Variants in CCDC88C observed in about 807,000 individuals in gnomAD.
CCDC88C encodes protein Daple.
CCDC88C carries 131 observed loss-of-function variants against 198.8 expected under a neutral mutation model. The ratio of observed to expected loss-of-function variants is 0.66; its 90% CI spans 0.57 to 0.76. The LOEUF is 0.76. Ranked by LOEUF, CCDC88C falls within the 30% of genes least tolerant of loss-of-function variation. The pLI is 0.00. For synonymous variants in CCDC88C, 1,166 were observed against 1,114.7 expected (o/e 1.05, Z -0.92); for missense variants, 2,553 against 2,631.6 (o/e 0.97, Z 0.65).
At chr14:91,337,427 C>T (rs1893093423) in intron 10 of CCDC88C, among the ~76,000 whole-genome samples, 1 of 152,228 alleles carries the variant, frequency 6.6e-6, no homozygotes, top group African/African-American at 2.4e-5. Flanking sequence ...GCAGCCTTGA[C>T]ATCCCAGGTT....
chr14:91,370,165 C>A (rs571225567), intron 3 of CCDC88C, among the ~76,000 whole-genome samples: 34 of 152,338 alleles, frequency 2.2e-4, no homozygotes, highest in African/African-American at 7.5e-4. Context: ...TGTGTGGCCT[C>A]AGGCAAGTCA....
At position 91,272,966 on chromosome 14, in the gene CCDC88C, C is replaced by T. The variant is rs1324750796; in HGVS notation, c.5746G>A (p.Ala1916Thr). 5.1e-6 allele frequency: 8 copies of T among 1,556,834 alleles called. No homozygotes were observed. Among genetic ancestry groups the T allele is most frequent in the Non-Finnish European group, 5.2e-6 (6 of 1,156,690 alleles). ...PAIATAGAGAAAAGSGSNSQL... is the reference protein window; with the variant it reads ...PAIATAGAGATAAGSGSNSQL... The stretch of plus-strand genomic sequence containing the variant: ...GAGTTGCTGCCACTGCCAGCAGCAG[C>T]AGCACCAGCACCTGCAGTGGCAATG... The change falls in exon 30 of 30, where the codon GCT becomes ACT. Residue 1916 changes from alanine to threonine, a missense_variant. This residue lies in a region of CCDC88C where 1,293 missense variants were observed against 1,219.6 expected (regional missense o/e 1.06). Transcript: ENST00000389857.
In CCDC88C at chr14:91,273,758, C is replaced by A; in HGVS notation, c.5059-105G>T. On this transcript the variant is annotated intron_variant, in intron 29 of 29. Transcript: ENST00000389857. The surrounding 1 kb of genome is among the most constrained non-coding windows in gnomAD (Gnocchi z 5.6). ...CCCGAGCAGCCCACGTGGCTGGGAC[C>A]GCAGTTCCTGCCTGCCTTCTCCGAG... is the stretch of plus-strand genomic sequence containing the variant. 1.0e-6 allele frequency: 1 copy of A among 973,152 alleles called. No homozygotes were observed. Among genetic ancestry groups the A allele is most frequent in the South Asian group, 3.5e-5 (1 of 28,926 alleles). The allele number at this position is 973,152 out of a possible 1,614,324, so 60.3% of individuals were successfully genotyped here.
chr14:91,376,004 C>A (rs898386529), intron 3 of CCDC88C, among the ~76,000 whole-genome samples: 4 of 152,160 alleles, frequency 2.6e-5, no homozygotes, highest in African/African-American at 9.7e-5. Flanking sequence ...TCCAGCCCCG[C>A]GAGTTCACAG....
At chr14:91,379,721 G>A in intron 3 of CCDC88C, 1 of 658,702 alleles carries the variant, frequency 1.5e-6, no homozygotes, top group South Asian at 1.7e-5. Flanking sequence ...AGCCCACAGT[G>A]ATGGCCTTCC....
At chr14:91,373,626 T>G (rs926112256) in intron 3 of CCDC88C, among the ~76,000 whole-genome samples, 2 of 152,188 alleles carry the variant, frequency 1.3e-5, no homozygotes, top group Non-Finnish European at 2.9e-5. Flanking sequence ...AAACTCTCTA[T>G]TCTATCACCA....
intron 3 of CCDC88C, among the ~76,000 whole-genome samples, chr14:91,376,188 T>A (rs1456497143): frequency 1.3e-5 from 2 of 152,184 alleles, no homozygotes; most frequent in East Asian, 3.9e-4. Flanking sequence ...TAGGTCAGGC[T>A]TCTCTCCTGT....
chr14:91,274,967 G>A (rs868375784), intron 29 of CCDC88C, among the ~76,000 whole-genome samples: 2 of 152,070 alleles, frequency 1.3e-5, no homozygotes, highest in Admixed American at 6.5e-5. Flanking sequence ...CACCCTTCCT[G>A]GCCACGCAGG....
chr14:91,399,882 T>C (rs1165273015), intron 3 of CCDC88C, among the ~76,000 whole-genome samples: 1 of 144,582 alleles, frequency 6.9e-6, no homozygotes, highest in Non-Finnish European at 1.5e-5. Context: ...GTAGTTGAGA[T>C]CCCTAAGCAC....
Position 91,352,519 on chromosome 14 carries a change from C to G in CCDC88C, c.340+7123G>C, listed in dbSNP as rs1893860625. Among the ~76,000 whole-genome samples, 1 of 152,208 alleles carries G rather than the reference C, an allele frequency of 6.6e-6. No homozygotes were observed. The highest frequency in any genetic ancestry group is 2.4e-5 in the African/African-American group (1 of 41,446). On this transcript the variant is annotated intron_variant, in intron 4 of 29. Coordinates refer to ENST00000389857, the MANE Select transcript of CCDC88C (RefSeq NM_001080414.4). This position sits in a 1 kb window ranked among gnomAD's most constrained non-coding sequence, Gnocchi z 4.2. ...GCATTTGGTTGCTTTTCTGAACCTT[C>G]TCTCTCAAGGATGAAAGAGGAAATT...
intron 28 of CCDC88C, 73 bp downstream of exon 28, chr14:91,279,165 G>T: frequency 7.8e-7 from 1 of 1,282,324 alleles, no homozygotes; most frequent in Non-Finnish European, 1.1e-6. Flanking sequence ...CTCCCAAAGT[G>T]CTGATTATAG....
chr14:91,293,541 C>G lies in CCDC88C; in HGVS notation c.4112+632G>C, dbSNP rs796416355. On this transcript the variant is annotated intron_variant, in intron 23 of 29. Transcript: ENST00000389857. ...TCCTGTCCCCTCACCTGCCACGGCC[C>G]ACCTTCCTGTCCCCTCGCCTGCCAC... 1.1e-3 allele frequency among the ~76,000 whole-genome samples: 112 copies of G among 98,902 alleles called. 11 individuals are homozygous for G. Among genetic ancestry groups the G allele is most frequent in the South Asian group, 1.4e-3 (5 of 3,470 alleles). The allele number at this position is 98,902 out of a possible 152,430, so 64.9% of individuals were successfully genotyped here.
chr14:91,304,003 T>C (rs1891455023), intron 19 of CCDC88C, 25 bp from the exon 20 acceptor site: 1 of 1,589,784 alleles, frequency 6.3e-7, no homozygotes, highest in African/African-American at 1.3e-5. Flanking sequence ...AAGCGCGGCG[T>C]GGCGCAGGCC....
chr14:91,373,744 C>T (rs575467262), intron 3 of CCDC88C, among the ~76,000 whole-genome samples: 6 of 152,150 alleles, frequency 3.9e-5, no homozygotes, highest in Admixed American at 6.5e-5. Flanking sequence ...ACTAATATCT[C>T]GGCAGGAAGT....
intron 25 of CCDC88C, chr14:91,285,944 A>G: frequency 1.8e-6 from 1 of 570,834 alleles, no homozygotes; most frequent in Non-Finnish European, 2.7e-6. Flanking sequence ...AATGTACTTA[A>G]GAAATCAGAA....
At chr14:91,329,836 TAC>T (rs1457505169) in intron 10 of CCDC88C, among the ~76,000 whole-genome samples, 2 of 152,224 alleles carry the variant, frequency 1.3e-5, no homozygotes, top group African/African-American at 4.8e-5. Flanking sequence ...ACAAGGTCGT[TAC>T]CACTCACTGA....
At chr14:91,379,792 T>C (rs976459375) in intron 3 of CCDC88C, 2 of 702,570 alleles carry the variant, frequency 2.8e-6, no homozygotes, top group African/African-American at 3.5e-5. Context: ...TCTTGTTCAC[T>C]GTCCACTTCC....
chr14:91,373,725 T>G (rs922804516), intron 3 of CCDC88C, among the ~76,000 whole-genome samples: 2 of 152,020 alleles, frequency 1.3e-5, no homozygotes, highest in African/African-American at 4.8e-5. Flanking sequence ...AAGTGACAAG[T>G]TTCTAATGAC....
At chr14:91,410,354 C>T (rs145537430) in intron 2 of CCDC88C, among the ~76,000 whole-genome samples, 101 of 152,308 alleles carry the variant, frequency 6.6e-4, no homozygotes, top group African/African-American at 2.0e-3. Context: ...AGGTGCTGAG[C>T]CTCTTGGGGG....
Sources: gnomAD v4.1 joint callset for allele counts (sites outside exome capture counted in the v4.1 genomes callset) on GRCh38, gnomAD v4.1.1 for gene constraint, gnomAD v4.1.1 regional missense constraint, Gnocchi (gnomAD v3.1) non-coding constraint, MANE v1.5 for transcripts, NCBI Gene and HGNC (gene_info 2026-07-23, HGNC 2026-07-21) for gene names.